The following PTPRO variants were observed in gnomAD, a reference collection of about 807,000 sequenced individuals.
PTPRO encodes protein tyrosine phosphatase receptor type O.
In PTPRO, 62 loss-of-function variants were observed where a neutral mutation model predicts 145.2. The observed-to-expected ratio is 0.43, with a 90% CI of 0.35 to 0.53. PTPRO has a LOEUF of 0.53. Ranked by LOEUF, PTPRO falls within the 20% of genes least tolerant of loss-of-function variation. The probability of loss-of-function intolerance (pLI) is 0.01; values close to 1 mark genes in which losing one functional copy is unlikely to be tolerated. For missense variants in PTPRO, 1,345 were observed against 1,482.7 expected (o/e 0.91, Z 1.53); for synonymous variants, 565 against 514.7 (o/e 1.10, Z -1.32).
intron 3 of PTPRO, among the ~76,000 whole-genome samples, chr12:15,498,487 G>A (rs765832128): frequency 7.2e-5 from 11 of 152,208 alleles, no homozygotes; most frequent in Non-Finnish European, 1.5e-4. Flanking sequence ...GAACCCAGGA[G>A]GCAGAGGTTG....
At chr12:15,450,770 C>T (rs1445333116) in intron 1 of PTPRO, among the ~76,000 whole-genome samples, 1 of 151,734 alleles carries the variant, frequency 6.6e-6, no homozygotes, top group African/African-American at 2.4e-5. Flanking sequence ...TACATGCTGT[C>T]TCAAAAAAAA....
At chr12:15,416,015 G>A (rs1459038808) in intron 1 of PTPRO, among the ~76,000 whole-genome samples, 1 of 151,558 alleles carries the variant, frequency 6.6e-6, no homozygotes, top group Non-Finnish European at 1.5e-5. Context: ...ACTTAGAATG[G>A]GACAAATAGC....
chr12:15,487,946 C>A (rs1208561509), intron 2 of PTPRO, among the ~76,000 whole-genome samples: 1 of 152,322 alleles, frequency 6.6e-6, no homozygotes, highest in East Asian at 1.9e-4. Flanking sequence ...GAGCTGCTTT[C>A]TTCTTATCTG....
intron 1 of PTPRO, among the ~76,000 whole-genome samples, chr12:15,413,750 G>C (rs907086932): frequency 2.8e-4 from 43 of 152,094 alleles, no homozygotes; most frequent in African/African-American, 8.2e-4. Flanking sequence ...GAGAGGCGGA[G>C]GTTGCAGCGA....
At chr12:15,557,038 T>G (rs1172267468) in intron 15 of PTPRO, among the ~76,000 whole-genome samples, 1 of 151,348 alleles carries the variant, frequency 6.6e-6, no homozygotes, top group East Asian at 1.9e-4. Flanking sequence ...TTTTGTTTTT[T>G]TTTTTTTTCT....
At chr12:15,367,943 C>T (rs1354206585) in intron 1 of PTPRO, among the ~76,000 whole-genome samples, 1 of 152,184 alleles carries the variant, frequency 6.6e-6, no homozygotes, top group African/African-American at 2.4e-5. Context: ...GCCTTCTCTT[C>T]ATGCCTTTCT....
At chr12:15,419,735 G>GT (rs71042248) in intron 1 of PTPRO, among the ~76,000 whole-genome samples, 25,249 of 148,486 alleles carry the variant, frequency 0.17, 2,716 homozygotes, top group African/African-American at 0.27. Context: ...GTTCTTTGGT[G>GT]TTTTTTTTTT....
intron 1 of PTPRO, among the ~76,000 whole-genome samples, chr12:15,445,203 T>A (rs1007974116): frequency 6.6e-6 from 1 of 152,164 alleles, no homozygotes. Flanking sequence ...AATGGACTTA[T>A]AAGGATTTTT....
chr12:15,379,991 A>G (rs540444947), intron 1 of PTPRO, among the ~76,000 whole-genome samples: 1 of 152,270 alleles, frequency 6.6e-6, no homozygotes, highest in South Asian at 2.1e-4. Flanking sequence ...TTTTAAGCCA[A>G]TGAAGAAATG....
rs889065349 is a variant in PTPRO at position 15,356,657 on chromosome 12, C to T, written c.75+33856C>T. Among the ~76,000 whole-genome samples the T allele has an allele frequency of 5.3e-4, 80 of 152,244 alleles. 1 individual carries two copies. The highest frequency in any genetic ancestry group is 1.9e-3 in the African/African-American group (78 of 41,530). Reference sequence around the variant, plus strand: ...ATAGCAGAATGTTCATTGGGCTTTCCATCAAACATATTTTATATTCATTGT... The same window carrying T: ...ATAGCAGAATGTTCATTGGGCTTTCTATCAAACATATTTTATATTCATTGT... On this transcript the variant is annotated intron_variant, in intron 1 of 26. Transcript: ENST00000281171.
At chr12:15,497,510 T>G in intron 3 of PTPRO, 107 bp downstream of exon 3, 1 of 1,241,696 alleles carries the variant, frequency 8.1e-7, no homozygotes, top group Non-Finnish European at 1.2e-6. Flanking sequence ...ATTCACTATT[T>G]GACCTATAAA....
At chr12:15,438,692 T>A (rs61908018) in intron 1 of PTPRO, among the ~76,000 whole-genome samples, 5,325 of 152,074 alleles carry the variant, frequency 0.035, 271 homozygotes, top group African/African-American at 0.11. Flanking sequence ...GCAGTCCTCA[T>A]GAAATATGGG....
In PTPRO at chr12:15,522,427, C is replaced by T. The variant is rs534974614; in HGVS notation, c.1891+2115C>T. 1.1e-4 allele frequency among the ~76,000 whole-genome samples: 16 copies of T among 151,958 alleles called. No homozygotes were observed. In the South Asian group the frequency reaches 3.3e-3, roughly 32 times the overall value. ...GCTCTCCCTCCCCTTGCCCCCACCC[C>T]CCGACAGTTCTCATGTGATGCTAAT... On this transcript the variant is annotated intron_variant, in intron 10 of 26. Transcript: ENST00000281171.
At chr12:15,500,500 T>C (rs1335939610) in intron 4 of PTPRO, among the ~76,000 whole-genome samples, 3 of 152,208 alleles carry the variant, frequency 2.0e-5, no homozygotes, top group Non-Finnish European at 4.4e-5. Context: ...TGAGACAGGA[T>C]CCTTGTGCTC....
At chr12:15,408,422 T>A (rs1415734751) in intron 1 of PTPRO, among the ~76,000 whole-genome samples, 14 of 152,092 alleles carry the variant, frequency 9.2e-5, no homozygotes, top group Non-Finnish European at 2.9e-5. Context: ...AGTTTTTGTT[T>A]TCGTTGTTGT....
chr12:15,471,579 T>G (rs1166815574), intron 1 of PTPRO, among the ~76,000 whole-genome samples: 1 of 152,228 alleles, frequency 6.6e-6, no homozygotes, highest in Non-Finnish European at 1.5e-5. Flanking sequence ...AAGTATGATG[T>G]AAGTAGATGC....
rs180711695 is a variant in PTPRO at position 15,355,082 on chromosome 12, A to G, written c.75+32281A>G. Among the ~76,000 whole-genome samples the G allele has an allele frequency of 5.9e-5, 9 of 152,302 alleles. No homozygotes were observed. In the East Asian group the frequency reaches 1.7e-3, roughly 29 times the overall value. ...GGAGGATGAAGAGAGAGAGAAAGGA[A>G]GACAGAATCACACCGATTAAGATGA... On this transcript the variant is annotated intron_variant, in intron 1 of 26. Coordinates refer to ENST00000281171, the MANE Select transcript of PTPRO (RefSeq NM_030667.3).
At chr12:15,460,036 A>C (rs967444151) in intron 1 of PTPRO, among the ~76,000 whole-genome samples, 1 of 152,178 alleles carries the variant, frequency 6.6e-6, no homozygotes, top group African/African-American at 2.4e-5. Context: ...CTTGCTAAGA[A>C]GGCTTCACAT....
At chr12:15,441,939 A>C (rs140825597) in intron 1 of PTPRO, among the ~76,000 whole-genome samples, 1 of 152,188 alleles carries the variant, frequency 6.6e-6, no homozygotes, top group South Asian at 2.1e-4. Flanking sequence ...AAAAGCTGGT[A>C]CCAATTTTAC....
Sources: allele counts gnomAD v4.1 joint callset (sites outside exome capture counted in the v4.1 genomes callset), GRCh38; gene constraint gnomAD v4.1.1; transcripts MANE v1.5; gene names NCBI Gene and HGNC (gene_info 2026-07-23, HGNC 2026-07-21).